Variants in DMXL2 observed in about 807,000 individuals in gnomAD.
DMXL2 encodes dmX-like protein 2.
A neutral mutation model predicts 331.1 loss-of-function variants in DMXL2; 103 were observed. The observed-to-expected ratio is 0.31, with a 90% CI of 0.27 to 0.37. The LOEUF (loss-of-function observed/expected upper bound fraction) is 0.37. Ranked by LOEUF, DMXL2 falls within the 10% of genes least tolerant of loss-of-function variation. DMXL2 has a pLI of 1.00. For missense variants in DMXL2, 3,171 were observed against 3,642.9 expected (o/e 0.87, Z 3.33); for synonymous variants, 1,281 against 1,252.1 (o/e 1.02, Z -0.49).
rs1050494948 is a variant in DMXL2, at chr15:51,622,501, G to A, written c.45C>T (p.Asp15=). ...CGACGCTGCCCACGGAGTAGCAGTTGTCTCCAGGGTTGACAGCTCCGGTGA... is the reference window on the plus strand; with the variant it reads ...CGACGCTGCCCACGGAGTAGCAGTTATCTCCAGGGTTGACAGCTCCGGTGA... The part of the protein sequence containing the change: ...QVLTGAVNPG[D]NCYSVGSVGD... Residue 15 remains aspartate, a synonymous_variant, in exon 1 of 44, where the codon GAC becomes GAT. Coordinates refer to ENST00000560891, the MANE Select transcript of DMXL2 (RefSeq NM_001378457.1). 1 of 1,570,172 alleles carries A rather than the reference G, an allele frequency of 6.4e-7. No individual in the cohort carries two copies. Among genetic ancestry groups the A allele is most frequent in the South Asian group, 1.2e-5 (1 of 85,524 alleles).
chr15:51,538,864 C>T (rs980435815), intron 9 of DMXL2, among the ~76,000 whole-genome samples: 3 of 152,098 alleles, frequency 2.0e-5, no homozygotes, highest in Non-Finnish European at 4.4e-5. Context: ...GAGATACTTG[C>T]TAATGTAAGG....
Position 51,449,053 on chromosome 15 carries a change from A to C in DMXL2, c.9108T>G (p.Asp3036Glu), listed in dbSNP as rs764624438. 2.5e-6 allele frequency: 4 copies of C among 1,614,236 alleles called. No individual in the cohort carries two copies. The East Asian group carries it at 8.9e-5, about 36-fold the overall frequency. ...GCAAAACCCTGGTTTTCAGCGTGCC[A>C]TCTGCACCACAGGAGAAGAGCCGAT... ...QGNRLFSCGA[D>E]GTLKTRVLPN... Residue 3036 changes from aspartate to glutamate, a missense_variant, in exon 44 of 44, where the codon GAT (aspartate) becomes GAG (glutamate). By Grantham distance (45) the Asp-to-Glu change is conservative (BLOSUM62 2). Transcript: ENST00000560891.
At chr15:51,467,729 C>T (rs1280736721) in intron 29 of DMXL2, among the ~76,000 whole-genome samples, 3 of 143,104 alleles carry the variant, frequency 2.1e-5, no homozygotes, top group Non-Finnish European at 3.1e-5. Context: ...CCTAGTACTT[C>T]TTTTTTTTTT....
In DMXL2 at chr15:51,500,046, C is replaced by G; in HGVS notation, c.3178G>C (p.Asp1060His). 6.2e-7 allele frequency: 1 copy of G among 1,614,158 alleles called. No homozygotes were observed. The highest frequency in any genetic ancestry group is 8.5e-7 in the Non-Finnish European group (1 of 1,180,026). Residue 1060 changes from aspartate to histidine, a missense_variant, in exon 18 of 44, where the codon GAT becomes CAT. This residue lies in a region of DMXL2 where 1,674 missense variants were observed against 1,780.2 expected (regional missense o/e 0.94). Coordinates refer to ENST00000560891, the MANE Select transcript of DMXL2 (RefSeq NM_001378457.1). ...RWPLMNDEGE[D>H]NSSTVSIVGR... ...ACAATGCTCACTGTACTGCTATTAT[C>G]TTCTCCTTCATCATTCATCAAAGGC...
intron 15 of DMXL2, among the ~76,000 whole-genome samples, chr15:51,510,020 A>C (rs1007277906): frequency 6.6e-6 from 1 of 152,204 alleles, no homozygotes; most frequent in Admixed American, 6.5e-5. Flanking sequence ...CTCATGCTAA[A>C]AACTCTCAAT....
chr15:51,599,502 T>C (rs891239069), intron 1 of DMXL2, among the ~76,000 whole-genome samples: 15 of 152,232 alleles, frequency 9.9e-5, no homozygotes, highest in Non-Finnish European at 1.9e-4. Flanking sequence ...CAAACATCCG[T>C]ATCATATCTA....
At chr15:51,525,010 C>T (rs185608915) in intron 13 of DMXL2, among the ~76,000 whole-genome samples, 5 of 151,618 alleles carry the variant, frequency 3.3e-5, no homozygotes, top group South Asian at 2.1e-4. Context: ...TGAAGAGAGG[C>T]GACAGAAGAG....
chr15:51,500,235 A>T lies in DMXL2; in HGVS notation c.2993-4T>A. 1 of 1,575,576 alleles carries T rather than the reference A, an allele frequency of 6.3e-7. No homozygotes were observed. The highest frequency in any genetic ancestry group is 8.6e-7 in the Non-Finnish European group (1 of 1,165,618). Reference sequence around the variant, plus strand: ...ATTGAAGAAGAACTCAGATGGCCTTAAAAAAGAAAAAGCAAATAGTTAGTT... The same window carrying T: ...ATTGAAGAAGAACTCAGATGGCCTTTAAAAAGAAAAAGCAAATAGTTAGTT... On this transcript the variant is annotated splice_polypyrimidine_tract_variant and splice_region_variant and intron_variant, in intron 17 of 43. Transcript: ENST00000560891.
Position 51,459,655 on chromosome 15 carries a change from T to C in DMXL2, c.7932A>G (p.Ile2644Met), listed in dbSNP as rs1328585678. ...GGTTGACCTGCTCCACATGTTCTTC[T>C]ATAGACTAAATACCACCACACCGTC... ...FTKKRKQSES[I>M]EEHVEQVNQN... The change falls in exon 34 of 44, where the codon ATA becomes ATG. Residue 2644 changes from isoleucine (I) to methionine (M), a missense_variant. Coordinates refer to ENST00000560891, the MANE Select transcript of DMXL2 (RefSeq NM_001378457.1). 4 of 1,289,814 alleles carry C rather than the reference T, an allele frequency of 3.1e-6. No individual in the cohort carries two copies. Among genetic ancestry groups the C allele is most frequent in the South Asian group, 1.2e-5 (1 of 81,030 alleles). The allele number at this position is 1,289,814 out of a possible 1,614,324, so 79.9% of individuals were successfully genotyped here.
chr15:51,580,909 T>G (rs2051364554), intron 1 of DMXL2, among the ~76,000 whole-genome samples: 1 of 152,174 alleles, frequency 6.6e-6, no homozygotes, highest in Admixed American at 6.5e-5. Context: ...ACATTGAAAC[T>G]AAAAGTTTTC....
intron 5 of DMXL2, 84 bp downstream of exon 5, chr15:51,564,041 A>C: frequency 6.9e-7 from 1 of 1,454,768 alleles, no homozygotes; most frequent in Non-Finnish European, 9.2e-7. Context: ...ACCATCAAAA[A>C]ATAAAGATCT....
chr15:51,547,274 A>AG lies in DMXL2; in HGVS notation c.701dup (p.Val235CysfsTer10). ...TTTTGCGCCACGAAAAACCTGTCAC[A>AG]GCTCGGGGATGTGCCAAGTAAACAA... On this transcript the variant is annotated frameshift_variant, in exon 7 of 44. Coordinates refer to ENST00000560891, the MANE Select transcript of DMXL2 (RefSeq NM_001378457.1). LOFTEE classifies it high-confidence loss of function. 6.2e-7 allele frequency: 1 copy of AG among 1,612,204 alleles called. No individual in the cohort carries two copies. The highest frequency in any genetic ancestry group is 8.5e-7 in the Non-Finnish European group (1 of 1,179,138).
rs1300726284 is a variant in DMXL2 at position 51,501,304 on chromosome 15, A to G, written c.2993-1073T>C. On this transcript the variant is annotated intron_variant, in intron 17 of 43. Coordinates refer to ENST00000560891, the MANE Select transcript of DMXL2 (RefSeq NM_001378457.1). ...CCAATTTTGGTTTCCCAAAAACACT[A>G]TTCTAGAAACTCCCCAATTAAAATT... 2.0e-5 allele frequency among the ~76,000 whole-genome samples: 3 copies of G among 152,180 alleles called. No homozygotes were observed. In the East Asian group the frequency reaches 5.8e-4, roughly 29 times the overall value.
chr15:51,517,228 T>A (rs1206326177), intron 13 of DMXL2, 61 bp from the exon 14 acceptor site: 1 of 1,277,486 alleles, frequency 7.8e-7, no homozygotes, highest in Non-Finnish European at 1.1e-6. Context: ...GTCAATATGA[T>A]ACAGCATCTT....
intron 33 of DMXL2, among the ~76,000 whole-genome samples, chr15:51,461,863 A>G (rs1197492449): frequency 2.0e-5 from 3 of 152,162 alleles, no homozygotes; most frequent in East Asian, 3.8e-4. Context: ...TTAAATCACT[A>G]TCTTAGATTC....
chr15:51,542,542 G>A (rs1486906190), intron 8 of DMXL2, 35 bp from the exon 9 acceptor site: 3 of 1,530,366 alleles, frequency 2.0e-6, no homozygotes, highest in Middle Eastern at 1.7e-4. Flanking sequence ...GTCCAACTCT[G>A]GAACCTCTAA....
intron 13 of DMXL2, among the ~76,000 whole-genome samples, chr15:51,526,357 C>A (rs971869368): frequency 6.6e-6 from 1 of 152,172 alleles, no homozygotes; most frequent in Non-Finnish European, 1.5e-5. Flanking sequence ...GCTTGGGGTC[C>A]CCCCAAAGCA....
chr15:51,583,517 A>C (rs1004012040), intron 1 of DMXL2, among the ~76,000 whole-genome samples: 1 of 30,030 alleles, frequency 3.3e-5, no homozygotes, highest in African/African-American at 1.4e-4. Context: ...TTCTTAATCC[A>C]GTCTATCATT....
Position 51,499,546 on chromosome 15 carries a change from A to C in DMXL2, c.3678T>G (p.Val1226=). The C allele has an allele frequency of 6.2e-7, 1 of 1,614,102 alleles. No individual in the cohort carries two copies. Among genetic ancestry groups the C allele is most frequent in the Non-Finnish European group, 8.5e-7 (1 of 1,180,006 alleles). The part of the protein sequence containing the change: ...LPLGGSIKQG[V]KSRWVLLRSI... Reference sequence around the variant, plus strand: ...ATCTAAGAAGAACCCATCTTGACTTAACTCCTTGCTTGATACTACCACCTA... The same window carrying C: ...ATCTAAGAAGAACCCATCTTGACTTCACTCCTTGCTTGATACTACCACCTA... Residue 1226 remains valine, a synonymous_variant, in exon 18 of 44, where the codon GTT becomes GTG. Coordinates refer to ENST00000560891, the MANE Select transcript of DMXL2 (RefSeq NM_001378457.1).
Sources: gnomAD v4.1 joint callset for allele counts (sites outside exome capture counted in the v4.1 genomes callset) on GRCh38, gnomAD v4.1.1 for gene constraint, gnomAD v4.1.1 regional missense constraint, MANE v1.5 for transcripts, NCBI Gene and HGNC (gene_info 2026-07-23, HGNC 2026-07-21) for gene names.